Variants in CEP290 observed in about 807,000 individuals in gnomAD.
The protein encoded by CEP290 is centrosomal protein of 290 kDa.
In CEP290, 317 loss-of-function variants were observed where a neutral mutation model predicts 344.9. The ratio of observed to expected loss-of-function variants is 0.92; its 90% confidence interval spans 0.84 to 1.01. The LOEUF is 1.01. Among genes scored for constraint, CEP290 ranks in the 50% least tolerant of loss-of-function variants. CEP290 has a pLI of 0.00. For synonymous variants in CEP290, 932 were observed against 895.8 expected (o/e 1.04, Z -0.72); for missense variants, 2,754 against 2,761.4 (o/e 1.00, Z 0.06).
At chr12:88,056,675 T>C (rs2034029263) in intron 49 of CEP290, among the ~76,000 whole-genome samples, 1 of 152,110 alleles carries the variant, frequency 6.6e-6, no homozygotes, top group African/African-American at 2.4e-5. Context: ...AGCCCCCACA[T>C]CACCCTGGTT....
intron 5 of CEP290, 73 bp from the exon 6 acceptor site, chr12:88,136,859 A>T (rs2138219516): frequency 1.5e-6 from 2 of 1,295,500 alleles, no homozygotes; most frequent in South Asian, 2.5e-5. Context: ...ACAACAAGCA[A>T]ATAATTATGC....
chr12:88,088,205 G>A (rs55836961), intron 31 of CEP290, among the ~76,000 whole-genome samples: 5 of 152,238 alleles, frequency 3.3e-5, no homozygotes, highest in South Asian at 2.1e-4. Flanking sequence ...TTTGTTATAC[G>A]TTTATTGAAC....
At position 88,049,114 on chromosome 12, in the gene CEP290, C is replaced by G; in HGVS notation, c.*70G>C. ...GGAAATACTACAGTTCGGAGAACTGCTTATTTCCAAGTATATTTAACTTAT... is the reference window on the plus strand; with the variant it reads ...GGAAATACTACAGTTCGGAGAACTGGTTATTTCCAAGTATATTTAACTTAT... On this transcript the variant is annotated 3_prime_UTR_variant, in exon 54 of 54. Transcript: ENST00000552810. 1 of 885,974 alleles carries G rather than the reference C, an allele frequency of 1.1e-6. No individual in the cohort carries two copies. Among genetic ancestry groups the G allele is most frequent in the Non-Finnish European group, 1.7e-6 (1 of 572,840 alleles). 54.9% of individuals were successfully genotyped at this position (885,974 alleles called of 1,614,324 possible).
intron 32 of CEP290, among the ~76,000 whole-genome samples, chr12:88,086,822 C>T (rs187085098): frequency 3.3e-4 from 50 of 152,232 alleles, no homozygotes; most frequent in South Asian, 1.2e-3. Context: ...TAAACAAAAC[C>T]AAGTCCGTGT....
chr12:88,075,264 T>C (rs914776339), intron 41 of CEP290, among the ~76,000 whole-genome samples: 9 of 99,188 alleles, frequency 9.1e-5, no homozygotes, highest in African/African-American at 3.3e-4. Context: ...GATAAACATA[T>C]GGTTTGAGAA....
At chr12:88,087,419 C>A (rs1179067558) in intron 32 of CEP290, among the ~76,000 whole-genome samples, 1 of 151,938 alleles carries the variant, frequency 6.6e-6, no homozygotes, top group Admixed American at 6.6e-5. Context: ...ATAACATAGT[C>A]ATTTGTGCAA....
chr12:88,141,180 T>G (rs777033577), intron 2 of CEP290, 26 bp downstream of exon 2: 1 of 1,457,636 alleles, frequency 6.9e-7, no homozygotes, highest in Non-Finnish European at 9.4e-7. Flanking sequence ...AATGTATATA[T>G]CTATTATTAT....
rs970870601 is a variant in CEP290, at chr12:88,080,490, C to T, written c.5013-95G>A. ...TGTCACCCAGGCTGGAGTGCAGCAG[C>T]GCAATCTCGGCTGACTGCAACCTCT... On this transcript the variant is annotated intron_variant, in intron 37 of 53. Transcript: ENST00000552810. The T allele has an allele frequency of 6.5e-5, 57 of 877,194 alleles. 2 individuals are homozygous for T. Among genetic ancestry groups the T allele is most frequent in the Admixed American group, 2.0e-4 (7 of 34,760 alleles). 54.3% of individuals were successfully genotyped at this position (877,194 alleles called of 1,614,324 possible). A position where few individuals can be genotyped will look rare whatever the true frequency, so the allele number is the denominator to read the frequency against.
At position 88,062,842 on chromosome 12, in the gene CEP290, A is replaced by C. The variant is rs2136786928; in HGVS notation, c.6271-64T>G. The C allele has an allele frequency of 5.9e-6, 6 of 1,021,382 alleles. No individual in the cohort carries two copies. The East Asian group carries it at 1.6e-4, about 27-fold the overall frequency. 63.3% of individuals were successfully genotyped at this position (1,021,382 alleles called of 1,614,324 possible). ...GCTACAGCCATTGAAAAGAAAAGGC[A>C]AACAATTCATAAGAACCATCAATCT... On this transcript the variant is annotated intron_variant, in intron 45 of 53. Coordinates refer to ENST00000552810, the MANE Select transcript of CEP290 (RefSeq NM_025114.4).
rs967797801 is a variant in CEP290, at chr12:88,083,026, C to T, written c.5012+5G>A. 6.9e-7 allele frequency: 1 copy of T among 1,444,478 alleles called. No homozygotes were observed. The highest frequency in any genetic ancestry group is 9.4e-7 in the Non-Finnish European group (1 of 1,065,298). The allele number at this position is 1,444,478 out of a possible 1,614,324, so 89.5% of individuals were successfully genotyped here. On this transcript the variant is annotated splice_donor_5th_base_variant and intron_variant, in intron 37 of 53. Coordinates refer to ENST00000552810, the MANE Select transcript of CEP290 (RefSeq NM_025114.4). ...CTATTTTTACAATACATTTCGAAGACTTACTGTAATTTGATATTTTCAAAT... is the reference window on the plus strand; with the variant it reads ...CTATTTTTACAATACATTTCGAAGATTTACTGTAATTTGATATTTTCAAAT...
intron 13 of CEP290, among the ~76,000 whole-genome samples, chr12:88,121,626 A>AG (rs1233011837): frequency 1.3e-5 from 2 of 152,088 alleles, no homozygotes; most frequent in Non-Finnish European, 2.9e-5. Flanking sequence ...AAAAAAAAAA[A>AG]AAAATGTTTT....
rs185796433 is a variant in CEP290 at position 88,090,855 on chromosome 12, G to C, written c.3462-16C>G. 6.8e-7 allele frequency: 1 copy of C among 1,465,734 alleles called. No homozygotes were observed. Among genetic ancestry groups the C allele is most frequent in the East Asian group, 2.5e-5 (1 of 40,488 alleles). 90.8% of individuals were successfully genotyped at this position (1,465,734 alleles called of 1,614,324 possible). A position where few individuals can be genotyped will look rare whatever the true frequency, so the allele number is the denominator to read the frequency against. ...CTCTCTCAGTCTAGGAAATGATAAG[G>C]TATTTCAGGAACAATTAAGTACACT... is the stretch of plus-strand genomic sequence containing the variant. On this transcript the variant is annotated splice_polypyrimidine_tract_variant and intron_variant, in intron 29 of 53. Coordinates refer to ENST00000552810, the MANE Select transcript of CEP290 (RefSeq NM_025114.4).
intron 53 of CEP290, chr12:88,050,020 A>C (rs1359605000): frequency 2.1e-5 from 4 of 190,688 alleles, no homozygotes; most frequent in African/African-American, 9.5e-5. Context: ...TATTTTTTTA[A>C]GGGAACTATA....
At chr12:88,102,297 A>G (rs2037949948) in intron 26 of CEP290, among the ~76,000 whole-genome samples, 1 of 152,146 alleles carries the variant, frequency 6.6e-6, no homozygotes, top group African/African-American at 2.4e-5. Flanking sequence ...TTAAAATTCT[A>G]CATTTATTCT....
chr12:88,086,054 G>A lies in CEP290; in HGVS notation c.4422C>T (p.Cys1474=), dbSNP rs2137210807. 1 of 1,610,494 alleles carries A rather than the reference G, an allele frequency of 6.2e-7. No homozygotes were observed. The highest frequency in any genetic ancestry group is 2.2e-5 in the East Asian group (1 of 44,756). ...IRIILETRAT[C]KSLEEKLKEK... ...TTCTAATTACCTCTTCTAGTGATTT[G>A]CAAGTTGCCCGTGTTTCTAGAATTA... The change falls in exon 34 of 54, where the codon TGC becomes TGT. Residue 1474 remains cysteine (C), a synonymous_variant. Transcript: ENST00000552810.
At chr12:88,140,203 AT>A (rs1565931263) in intron 3 of CEP290, among the ~76,000 whole-genome samples, 1 of 151,974 alleles carries the variant, frequency 6.6e-6, no homozygotes, top group Non-Finnish European at 1.5e-5. Flanking sequence ...TTCTGTTCCA[AT>A]TGCTATTATT....
At chr12:88,112,547 C>G (rs1466881594) in intron 20 of CEP290, among the ~76,000 whole-genome samples, 2 of 151,996 alleles carry the variant, frequency 1.3e-5, no homozygotes, top group Non-Finnish European at 2.9e-5. Flanking sequence ...AGTGGCATAT[C>G]TAAGTATATA....
At chr12:88,049,514 C>T (rs1336856579) in intron 53 of CEP290, 100 bp from the exon 54 acceptor site, 4 of 683,084 alleles carry the variant, frequency 5.9e-6, no homozygotes, top group Admixed American at 3.0e-5. Context: ...CAAAGTATTC[C>T]TGAATGGTCA....
At chr12:88,131,248 G>A in intron 6 of CEP290, 30 bp from the exon 7 acceptor site, 2 of 1,407,760 alleles carry the variant, frequency 1.4e-6, no homozygotes, top group African/African-American at 1.5e-5. Context: ...AAATAAATAA[G>A]AAGAAGATAA....
Sources: gnomAD v4.1 joint callset for allele counts (sites outside exome capture counted in the v4.1 genomes callset) on GRCh38, gnomAD v4.1.1 for gene constraint, MANE v1.5 for transcripts, NCBI Gene and HGNC (gene_info 2026-07-23, HGNC 2026-07-21) for gene names.